Variants in DLGAP4 observed in about 807,000 individuals in gnomAD.
The protein encoded by DLGAP4 is DLG associated protein 4, also known as disks large-associated protein 4.
In DLGAP4, 18 loss-of-function variants were observed where a neutral mutation model predicts 86.9. The ratio of observed to expected loss-of-function variants is 0.21; its 90% CI spans 0.14 to 0.31. The LOEUF (loss-of-function observed/expected upper bound fraction) is 0.31, where lower values mean the gene tolerates loss of function less well. Among genes scored for constraint, DLGAP4 ranks in the 10% least tolerant of loss-of-function variants. The pLI is 1.00. For synonymous variants in DLGAP4, 548 were observed against 574.3 expected (o/e 0.95, Z 0.65); for missense variants, 1,085 against 1,362.6 (o/e 0.80, Z 3.21).
chr20:36,418,998 C>T (rs1351610754), intron 2 of DLGAP4, among the ~76,000 whole-genome samples: 1 of 152,146 alleles, frequency 6.6e-6, no homozygotes, highest in Non-Finnish European at 1.5e-5. Context: ...GCTCAAGGAT[C>T]AGGCTCGGAT....
intron 2 of DLGAP4, among the ~76,000 whole-genome samples, chr20:36,418,640 C>G (rs2032733252): frequency 6.6e-6 from 1 of 152,126 alleles, no homozygotes; most frequent in African/African-American, 2.4e-5. Flanking sequence ...CAGCCCTGTC[C>G]CTACCGAGCC....
At chr20:36,333,679 A>G (rs1555891809) in intron 1 of DLGAP4, among the ~76,000 whole-genome samples, 1 of 152,148 alleles carries the variant, frequency 6.6e-6, no homozygotes. Flanking sequence ...TCTGCCCTGC[A>G]CATCACACGG....
intron 1 of DLGAP4, among the ~76,000 whole-genome samples, chr20:36,361,644 A>T (rs368789476): frequency 6.6e-6 from 1 of 151,858 alleles, no homozygotes; most frequent in East Asian, 1.9e-4. Context: ...GATCAAGGGG[A>T]GGGGATTTGA....
intron 8 of DLGAP4, chr20:36,497,668 C>T (rs2035947120): frequency 1.0e-6 from 1 of 983,108 alleles, no homozygotes; most frequent in African/African-American, 1.7e-5. Context: ...CTGCCTCCCT[C>T]CATGGGATAG....
intron 7 of DLGAP4, among the ~76,000 whole-genome samples, chr20:36,465,536 G>A (rs2034311949): frequency 6.6e-6 from 1 of 152,120 alleles, no homozygotes; most frequent in Non-Finnish European, 1.5e-5. Context: ...GCCTTCCCTG[G>A]GTCTGTTCCC....
rs1240581832 is a variant in DLGAP4 at position 36,500,876 on chromosome 20, C to T, written c.2512+265C>T. Among the ~76,000 whole-genome samples the T allele has an allele frequency of 6.6e-6, 1 of 152,068 alleles. No homozygotes were observed. The highest frequency in any genetic ancestry group is 1.5e-5 in the Non-Finnish European group (1 of 68,018). On this transcript the variant is annotated intron_variant, in intron 10 of 12. Transcript: ENST00000339266. The surrounding 1 kb of genome is among the most constrained non-coding windows in gnomAD (Gnocchi z 4.6). The stretch of plus-strand genomic sequence containing the variant: ...CCACACCTGGGTTTGAATCCCAGCT[C>T]CTCCCTTACTAGTGAAGTAACCTTG...
In DLGAP4 at chr20:36,315,520, C is replaced by G. The variant is rs933624632; in HGVS notation, c.-304+9008C>G. ...CATGAAGCAGCCTGCCTAGGCAGGACTGGAAACTTGGGTGGCCATGGTTGG... is the reference window on the plus strand; with the variant it reads ...CATGAAGCAGCCTGCCTAGGCAGGAGTGGAAACTTGGGTGGCCATGGTTGG... On this transcript the variant is annotated intron_variant, in intron 1 of 12. Coordinates refer to ENST00000339266, the MANE Select transcript of DLGAP4 (RefSeq NM_001365621.2). Among the ~76,000 whole-genome samples, 18 of 1,362 alleles carry G rather than the reference C, an allele frequency of 0.013. No individual in the cohort carries two copies. The East Asian group carries it at 0.24, about 18-fold the overall frequency. The allele number at this position is 1,362 out of a possible 152,430, so 0.9% of individuals were successfully genotyped here. A position where few individuals can be genotyped will look rare whatever the true frequency, so the allele number is the denominator to read the frequency against.
At chr20:36,450,631 G>T (rs1395838636) in intron 7 of DLGAP4, among the ~76,000 whole-genome samples, 3 of 152,168 alleles carry the variant, frequency 2.0e-5, no homozygotes, top group African/African-American at 4.8e-5. Flanking sequence ...TCATGAGATT[G>T]GATCAGACTC....
intron 2 of DLGAP4, among the ~76,000 whole-genome samples, chr20:36,425,752 C>T (rs1600512867): frequency 1.3e-5 from 2 of 152,012 alleles, no homozygotes; most frequent in Non-Finnish European, 2.9e-5. Context: ...ACCCAGGAGG[C>T]GGAGGTTGCA....
At position 36,498,936 on chromosome 20, in the gene DLGAP4, A is replaced by G. The variant is rs144140154; in HGVS notation, c.2011-652A>G. On this transcript the variant is annotated intron_variant, in intron 8 of 12. Coordinates refer to ENST00000339266, the MANE Select transcript of DLGAP4 (RefSeq NM_001365621.2). ...CTTGGCCCTGACCCCAGTCCTTCCTACTGCTCCCCAGGGCCACCCAGTGCT... is the reference window on the plus strand; with the variant it reads ...CTTGGCCCTGACCCCAGTCCTTCCTGCTGCTCCCCAGGGCCACCCAGTGCT... The G allele has an allele frequency of 3.2e-3, 1,056 of 328,732 alleles. 14 individuals are homozygous for G. The highest frequency in any genetic ancestry group is 0.019 in the African/African-American group (888 of 46,106). 20.4% of individuals were successfully genotyped at this position (328,732 alleles called of 1,614,324 possible).
chr20:36,373,920 C>A (rs142591833), intron 2 of DLGAP4, among the ~76,000 whole-genome samples: 2,645 of 151,792 alleles, frequency 0.017, 30 homozygotes, highest in Non-Finnish European at 0.025. Flanking sequence ...GCCTGTAATC[C>A]CAGCCACTCG....
At chr20:36,361,051 T>A (rs1212153639) in intron 1 of DLGAP4, among the ~76,000 whole-genome samples, 2 of 150,862 alleles carry the variant, frequency 1.3e-5, no homozygotes, top group African/African-American at 4.9e-5. Flanking sequence ...GGGCATGGGG[T>A]GAGAAGGACT....
At chr20:36,384,974 G>A (rs1486105700) in intron 2 of DLGAP4, among the ~76,000 whole-genome samples, 1 of 152,184 alleles carries the variant, frequency 6.6e-6, no homozygotes, top group African/African-American at 2.4e-5. Flanking sequence ...TTAGCTAGGA[G>A]GTGGTGTTGA....
chr20:36,463,441 A>G (rs1233234058), intron 7 of DLGAP4, among the ~76,000 whole-genome samples: 1 of 152,176 alleles, frequency 6.6e-6, no homozygotes, highest in Non-Finnish European at 1.5e-5. Context: ...CAGAGCTGGG[A>G]CAGGGATCCA....
At chr20:36,494,984 GTTTTTTTTTTTT>G (rs752411826) in intron 7 of DLGAP4, among the ~76,000 whole-genome samples, 11 of 75,390 alleles carry the variant, frequency 1.5e-4, no homozygotes, top group African/African-American at 1.6e-4. Context: ...TTTTTGTTCG[GTTTTTTTTTTTT>G]TTTTTTTTTT....
chr20:36,526,697 C>A, intron 12 of DLGAP4, 116 bp from the exon 13 acceptor site: 1 of 934,344 alleles, frequency 1.1e-6, no homozygotes, highest in Non-Finnish European at 1.6e-6. Context: ...TTGCTTGTGC[C>A]CGATGCGGGG....
intron 1 of DLGAP4, among the ~76,000 whole-genome samples, chr20:36,352,906 G>A (rs557310403): frequency 6.6e-6 from 1 of 152,228 alleles, no homozygotes; most frequent in Non-Finnish European, 1.5e-5. Flanking sequence ...ATAAAGAACG[G>A]GACTCTTGCT....
intron 7 of DLGAP4, among the ~76,000 whole-genome samples, chr20:36,491,181 G>C (rs1410508193): frequency 6.6e-6 from 1 of 150,808 alleles, no homozygotes; most frequent in East Asian, 1.9e-4. Flanking sequence ...GACAGAACAA[G>C]ACTCTGTCTC....
At chr20:36,512,450 G>A (rs937509727) in intron 10 of DLGAP4, among the ~76,000 whole-genome samples, 1 of 152,118 alleles carries the variant, frequency 6.6e-6, no homozygotes, top group Non-Finnish European at 1.5e-5. Flanking sequence ...TGTCCTGACC[G>A]TCATTCACTC....
Sources: gnomAD v4.1 joint callset for allele counts (sites outside exome capture counted in the v4.1 genomes callset) on GRCh38, gnomAD v4.1.1 for gene constraint, Gnocchi (gnomAD v3.1) non-coding constraint, MANE v1.5 for transcripts, NCBI Gene and HGNC (gene_info 2026-07-23, HGNC 2026-07-21) for gene names.